The following ZNF429 variants were observed in gnomAD, a reference collection of about 807,000 sequenced individuals.
ZNF429 encodes zinc finger protein 429.
A neutral mutation model predicts 56.8 loss-of-function variants in ZNF429; 53 were observed. The ratio of observed to expected loss-of-function variants is 0.93; its 90% CI spans 0.75 to 1.17. The LOEUF is 1.17. Among genes scored for constraint, ZNF429 ranks in the 50% most tolerant of loss-of-function variants. The pLI is 0.00. For synonymous variants in ZNF429, 278 were observed against 264.7 expected (o/e 1.05, Z -0.49); for missense variants, 849 against 788.4 (o/e 1.08, Z -0.92).
At chr19:21,536,172 T>A in intron 3 of ZNF429, 108 bp from the exon 4 acceptor site, 6 of 1,126,972 alleles carry the variant, frequency 5.3e-6, no homozygotes, top group African/African-American at 1.6e-5. Context: ...GGTATTTTGC[T>A]ATGCTGTGTT....
intron 1 of ZNF429, chr19:21,518,476 A>G (rs1181552889): frequency 6.6e-6 from 1 of 152,258 alleles, no homozygotes; most frequent in Admixed American, 6.5e-5. Flanking sequence ...TATTTACCCA[A>G]AAGTCATTCA....
At chr19:21,534,864 C>T in intron 3 of ZNF429, among the ~76,000 whole-genome samples, 1 of 150,200 alleles carries the variant, frequency 6.7e-6, no homozygotes, top group African/African-American at 2.5e-5. Flanking sequence ...GGCTGGAGTG[C>T]AGTGGCGTGA....
Position 21,536,950 on chromosome 19 carries a change from C to G in ZNF429, c.897C>G (p.Thr299=). The change falls in exon 4 of 4, where the codon ACC becomes ACG. Residue 299 remains threonine (T), a synonymous_variant. Coordinates refer to ENST00000358491, the MANE Select transcript of ZNF429 (RefSeq NM_001001415.4). ...GCAAAACCTTTAGCATATCCTCAAC[C>G]TTTACTAAACATAAGATAATTCATA... ...ECGKTFSISS[T]FTKHKIIHTE... 6.2e-7 allele frequency: 1 copy of G among 1,611,160 alleles called. No homozygotes were observed. The highest frequency in any genetic ancestry group is 8.5e-7 in the Non-Finnish European group (1 of 1,178,784).
chr19:21,513,171 C>G (rs1156383112), intron 1 of ZNF429, among the ~76,000 whole-genome samples: 2 of 152,094 alleles, frequency 1.3e-5, no homozygotes, highest in African/African-American at 2.4e-5. Flanking sequence ...GCACCCGGCC[C>G]TTAGTCTTAA....
intron 1 of ZNF429, among the ~76,000 whole-genome samples, chr19:21,525,074 A>G (rs1185983735): frequency 6.6e-6 from 1 of 152,180 alleles, no homozygotes; most frequent in Non-Finnish European, 1.5e-5. Flanking sequence ...GAAGCATCAT[A>G]TGGTTGGTAC....
At chr19:21,531,694 A>G in intron 3 of ZNF429, among the ~76,000 whole-genome samples, 1 of 151,964 alleles carries the variant, frequency 6.6e-6, no homozygotes, top group South Asian at 2.1e-4. Flanking sequence ...AATCCTAGCT[A>G]CTTGGGAGAC....
intron 1 of ZNF429, among the ~76,000 whole-genome samples, chr19:21,521,125 G>C (rs541521659): frequency 1.3e-5 from 2 of 152,268 alleles, no homozygotes; most frequent in South Asian, 2.1e-4. Context: ...TGTTACAGTA[G>C]ATATTAGTCT....
Position 21,530,107 on chromosome 19 carries a change from C to T in ZNF429, c.130+323C>T. Reference sequence around the variant, plus strand: ...TCGGGAGGCTGAGGCAGGAGAATGGCGTGAACCCGGGAGGTGGAGCTTGCA... The same window carrying T: ...TCGGGAGGCTGAGGCAGGAGAATGGTGTGAACCCGGGAGGTGGAGCTTGCA... On this transcript the variant is annotated intron_variant, in intron 2 of 3. Transcript: ENST00000358491. Among the ~76,000 whole-genome samples, 140 of 150,842 alleles carry T rather than the reference C, an allele frequency of 9.3e-4. No homozygotes were observed. The South Asian group carries it at 0.019, about 21-fold the overall frequency.
rs1415752477 is a variant in ZNF429 at position 21,537,821 on chromosome 19, G to T, written c.1768G>T (p.Glu590Ter). The T allele has an allele frequency of 6.2e-7, 1 of 1,613,648 alleles. No homozygotes were observed. Among genetic ancestry groups the T allele is most frequent in the Non-Finnish European group, 8.5e-7 (1 of 1,179,998 alleles). ...LSSHKKIHSG[E>*]KPYKCEECGK... Reference sequence around the variant, plus strand: ...TAGTCATAAGAAAATTCATAGTGGAGAGAAACCCTACAAATGTGAAGAATG... The same window carrying T: ...TAGTCATAAGAAAATTCATAGTGGATAGAAACCCTACAAATGTGAAGAATG... The change falls in exon 4 of 4, where the codon GAG (glutamate) becomes TAG (stop). Residue 590 changes from glutamate to a stop codon, truncating the protein, a stop_gained. Coordinates refer to ENST00000358491, the MANE Select transcript of ZNF429 (RefSeq NM_001001415.4). LOFTEE classifies it high-confidence loss of function.
intron 1 of ZNF429, among the ~76,000 whole-genome samples, chr19:21,516,766 T>C (rs1383323062): frequency 6.6e-6 from 1 of 152,218 alleles, no homozygotes; most frequent in Non-Finnish European, 1.5e-5. Flanking sequence ...TGTGCAGAGA[T>C]GCTGCTGATT....
At chr19:21,514,326 C>T (rs1241555984) in intron 1 of ZNF429, among the ~76,000 whole-genome samples, 1 of 152,110 alleles carries the variant, frequency 6.6e-6, no homozygotes, top group Admixed American at 6.6e-5. Flanking sequence ...TTCTTATTCT[C>T]TTTGTCCTCC....
At chr19:21,505,807 G>T (rs746026837) in intron 1 of ZNF429, 33 bp downstream of exon 1, 11 of 1,609,460 alleles carry the variant, frequency 6.8e-6, no homozygotes, top group Non-Finnish European at 9.3e-6. Flanking sequence ...CCCCAGAGAG[G>T]GGGAGGGGCT....
chr19:21,529,874 G>A lies in ZNF429; in HGVS notation c.130+90G>A. On this transcript the variant is annotated intron_variant, in intron 2 of 3. Transcript: ENST00000358491. ...AATGTTCTTTGGTAATTTATGCTTT[G>A]CATAAATGAGTTTCAGATTCCTGCT... The A allele has an allele frequency of 3.5e-5, 34 of 958,948 alleles. No individual in the cohort carries two copies. In the African/African-American group the frequency reaches 5.4e-4, roughly 15 times the overall value. The allele number at this position is 958,948 out of a possible 1,614,324, so 59.4% of individuals were successfully genotyped here.
At chr19:21,511,256 G>A (rs1218042801) in intron 1 of ZNF429, among the ~76,000 whole-genome samples, 1 of 151,974 alleles carries the variant, frequency 6.6e-6, no homozygotes, top group Non-Finnish European at 1.5e-5. Flanking sequence ...CCGGTGGGGG[G>A]CTGACCCCCA....
chr19:21,512,893 A>G (rs1401307154), intron 1 of ZNF429, among the ~76,000 whole-genome samples: 2 of 148,112 alleles, frequency 1.4e-5, no homozygotes, highest in Non-Finnish European at 3.0e-5. Flanking sequence ...TTTTTTTGAG[A>G]TGGAGTCTCA....
At position 21,536,872 on chromosome 19, in the gene ZNF429, T is replaced by C. The variant is rs199862704; in HGVS notation, c.819T>C (p.Thr273=). 3 of 1,613,752 alleles carry C rather than the reference T, an allele frequency of 1.9e-6. No individual in the cohort carries two copies. Among genetic ancestry groups the C allele is most frequent in the Non-Finnish European group, 1.7e-6 (2 of 1,179,992 alleles). Residue 273 remains threonine, a synonymous_variant, in exon 4 of 4, where the codon ACT becomes ACC. Coordinates refer to ENST00000358491, the MANE Select transcript of ZNF429 (RefSeq NM_001001415.4). ...CCTTTAGCAGGTACTCAACCCTTAC[T>C]ACCCATAAGAGAATTCATTCTGGAG... The part of the protein sequence containing the change: ...GKAFSRYSTL[T]THKRIHSGEK...
Position 21,537,732 on chromosome 19 carries a change from C to G in ZNF429, c.1679C>G (p.Thr560Ser). 3 of 1,612,260 alleles carry G rather than the reference C, an allele frequency of 1.9e-6. No homozygotes were observed. Among genetic ancestry groups the G allele is most frequent in the Middle Eastern group, 1.7e-4 (1 of 6,044 alleles). ...SRLTQHKKIH[T>S]GEKPYKCKQC... is the part of the protein sequence containing the mutation. ...CTTACTCAACATAAGAAAATTCATA[C>G]TGGAGAGAAACCCTACAAATGTAAA... Residue 560 changes from threonine (T) to serine (S), a missense_variant, in exon 4 of 4, where the codon ACT becomes AGT. Physicochemically the swap from Thr to Ser is moderately conservative, Grantham distance 58 (BLOSUM62 1). Coordinates refer to ENST00000358491, the MANE Select transcript of ZNF429 (RefSeq NM_001001415.4).
At chr19:21,510,712 G>A (rs1288217202) in intron 1 of ZNF429, among the ~76,000 whole-genome samples, 1 of 151,464 alleles carries the variant, frequency 6.6e-6, no homozygotes, top group Non-Finnish European at 1.5e-5. Flanking sequence ...GTTTTCCTAG[G>A]CAGAGGACCC....
chr19:21,510,815 A>C lies in ZNF429; in HGVS notation c.3+5041A>C, dbSNP rs563675772. ...GCATGCTGCCTTCAAGCATCTGTTT[A>C]ACAAAGCACATCTTGCACCGCCCTT... On this transcript the variant is annotated intron_variant, in intron 1 of 3. Transcript: ENST00000358491. 3.3e-5 allele frequency among the ~76,000 whole-genome samples: 5 copies of C among 152,152 alleles called. No individual in the cohort carries two copies. The South Asian group carries it at 8.3e-4, about 25-fold the overall frequency.
Sources: gnomAD v4.1 joint callset for allele counts (sites outside exome capture counted in the v4.1 genomes callset) on GRCh38, gnomAD v4.1.1 for gene constraint, MANE v1.5 for transcripts, NCBI Gene and HGNC (gene_info 2026-07-23, HGNC 2026-07-21) for gene names.